ALPK2: variants seen among roughly 807,000 people sequenced by gnomAD.
The protein encoded by ALPK2 is alpha-protein kinase 2.
Under a neutral mutation model 163.1 loss-of-function variants are expected in ALPK2, and 127 were observed. That is an observed-to-expected ratio of 0.78 (90% CI 0.67 to 0.90). The LOEUF (loss-of-function observed/expected upper bound fraction) is 0.90. Ranked by LOEUF, ALPK2 falls within the 40% of genes least tolerant of loss-of-function variation. ALPK2 has a pLI of 0.00. For missense variants in ALPK2, 2,360 were observed against 2,589.6 expected (o/e 0.91, Z 1.92); for synonymous variants, 953 against 959.1 (o/e 0.99, Z 0.12).
intron 4 of ALPK2, among the ~76,000 whole-genome samples, chr18:58,557,668 ACG>A (rs1491123385): frequency 1.1e-4 from 4 of 37,186 alleles, no homozygotes; most frequent in East Asian, 1.0e-3. Context: ...ACATATATAT[ACG>A]TGTGTGTGTG....
chr18:58,536,531 A>G lies in ALPK2; in HGVS notation c.3656T>C (p.Leu1219Ser), dbSNP rs775904640. Residue 1219 changes from leucine (L) to serine (S), a missense_variant, in exon 5 of 13, where the codon TTG becomes TCG. Physicochemically the swap from Leu to Ser is moderately radical, Grantham distance 145. Coordinates refer to ENST00000361673, the MANE Select transcript of ALPK2 (RefSeq NM_052947.4). ...AGGTCTATATTCTTTAGACTCTTCC[A>G]AAAGGATATCAGAGAGAGATGGAAC... ...SNVPSLSDIL[L>S]EESKEYRPGN... 1.9e-6 allele frequency: 3 copies of G among 1,613,704 alleles called. No individual in the cohort carries two copies. The South Asian group carries it at 3.3e-5, about 18-fold the overall frequency.
chr18:58,560,647 C>T (rs549602077), intron 4 of ALPK2, among the ~76,000 whole-genome samples: 1 of 152,296 alleles, frequency 6.6e-6, no homozygotes, highest in East Asian at 1.9e-4. Context: ...TGCCATAATT[C>T]ACTTCAGTAA....
intron 6 of ALPK2, among the ~76,000 whole-genome samples, chr18:58,525,843 G>C (rs533277062): frequency 2.6e-4 from 39 of 151,796 alleles, no homozygotes; most frequent in Non-Finnish European, 4.7e-4. Flanking sequence ...TATTAGTGGG[G>C]AACAGTAGTA....
At chr18:58,600,801 G>A (rs993462409) in intron 3 of ALPK2, 7 of 152,210 alleles carry the variant, frequency 4.6e-5, no homozygotes, top group African/African-American at 1.2e-4. Flanking sequence ...TTCAATACCC[G>A]TTTCTGAAAT....
At chr18:58,574,167 G>A (rs2051906263) in intron 4 of ALPK2, among the ~76,000 whole-genome samples, 2 of 152,084 alleles carry the variant, frequency 1.3e-5, no homozygotes, top group South Asian at 4.1e-4. Context: ...GATGGTGCTG[G>A]TTGCGGCAGC....
chr18:58,507,268 A>G (rs747945563), intron 10 of ALPK2, among the ~76,000 whole-genome samples: 12 of 152,228 alleles, frequency 7.9e-5, no homozygotes, highest in Non-Finnish European at 1.5e-4. Flanking sequence ...GGGCAGCTAT[A>G]ACAGAGACCT....
At chr18:58,503,680 C>T (rs1363050111) in intron 11 of ALPK2, among the ~76,000 whole-genome samples, 1 of 152,132 alleles carries the variant, frequency 6.6e-6, no homozygotes, top group African/African-American at 2.4e-5. Flanking sequence ...GCCTGGGTGA[C>T]AGAGTGAGAC....
intron 4 of ALPK2, among the ~76,000 whole-genome samples, chr18:58,551,932 C>T (rs1388591583): frequency 1.3e-5 from 2 of 152,186 alleles, no homozygotes. Context: ...TATGAAGAGG[C>T]AGGGACTGAA....
rs1488866949 is a variant in ALPK2 at position 58,535,620 on chromosome 18, C to T, written c.4567G>A (p.Glu1523Lys). Residue 1523 changes from glutamate to lysine, a missense_variant, in exon 5 of 13, where the codon GAG becomes AAG. Glu to Lys is a moderately conservative substitution (Grantham distance 56). Transcript: ENST00000361673. ...IQESSDGSLG[E>K]AEQSKKDKAE... ...TTGTCCTTTTTGCTTTGCTCAGCCT[C>T]CCCTAAGCTCCCATCACTGCTTTCT... 2 of 1,614,216 alleles carry T rather than the reference C, an allele frequency of 1.2e-6. No homozygotes were observed. The highest frequency in any genetic ancestry group is 1.3e-5 in the African/African-American group (1 of 75,060).
chr18:58,513,000 G>A (rs971863833), intron 10 of ALPK2, among the ~76,000 whole-genome samples: 1 of 137,536 alleles, frequency 7.3e-6, no homozygotes. Context: ...GGTGTGTGTT[G>A]TGTGTTTATG....
chr18:58,625,601 A>G (rs1473505802), intron 1 of ALPK2, among the ~76,000 whole-genome samples: 1 of 152,236 alleles, frequency 6.6e-6, no homozygotes, highest in Non-Finnish European at 1.5e-5. Flanking sequence ...GTTGCACTTG[A>G]AAGTTTAAGA....
intron 3 of ALPK2, among the ~76,000 whole-genome samples, chr18:58,604,871 T>C (rs2052089862): frequency 6.6e-6 from 1 of 152,210 alleles, no homozygotes; most frequent in African/African-American, 2.4e-5. Flanking sequence ...CTGCTTTGTA[T>C]ACCTTCTGCT....
chr18:58,485,332 T>C (rs1273001958), intron 12 of ALPK2, among the ~76,000 whole-genome samples: 1 of 152,184 alleles, frequency 6.6e-6, no homozygotes, highest in African/African-American at 2.4e-5. Flanking sequence ...CTGGACTGAA[T>C]GGAGAGAGTT....
intron 4 of ALPK2, chr18:58,538,601 A>G (rs1243221727): frequency 1.6e-5 from 3 of 192,648 alleles, no homozygotes; most frequent in African/African-American, 4.7e-5. Context: ...TGAATCTCAC[A>G]TGATCATAAT....
chr18:58,518,796 C>A (rs147291960), intron 8 of ALPK2, among the ~76,000 whole-genome samples: 28 of 152,290 alleles, frequency 1.8e-4, no homozygotes, highest in Non-Finnish European at 1.5e-5. Flanking sequence ...AAGCTACTGC[C>A]CTTACCTACT....
chr18:58,511,389 C>A (rs2051489546), intron 10 of ALPK2, among the ~76,000 whole-genome samples: 1 of 151,958 alleles, frequency 6.6e-6, no homozygotes, highest in African/African-American at 2.4e-5. Context: ...TAAATCAGCT[C>A]TGTCTGTACA....
chr18:58,626,791 A>C (rs1362384681), intron 1 of ALPK2, among the ~76,000 whole-genome samples: 1 of 134,578 alleles, frequency 7.4e-6, no homozygotes, highest in Non-Finnish European at 1.7e-5. Context: ...CAAAGAATCT[A>C]ATTGTGTTAT....
chr18:58,532,765 C>A (rs2051622754), intron 5 of ALPK2, among the ~76,000 whole-genome samples: 1 of 152,128 alleles, frequency 6.6e-6, no homozygotes, highest in African/African-American at 2.4e-5. Context: ...CATTTTTATA[C>A]CTGAGAGGAG....
rs144733035 is a variant in ALPK2, at chr18:58,536,397, C to T, written c.3790G>A (p.Gly1264Ser). ...LTNSESKASD[G>S]GLIIPDKVWA... is the part of the protein sequence containing the mutation. ...ACCTTGTCAGGAATTATGAGACCAC[C>T]GTCTGATGCCTTGCTCTCAGAATTT... Residue 1264 changes from glycine (G) to serine (S), a missense_variant, in exon 5 of 13, where the codon GGT (glycine) becomes AGT (serine). Transcript: ENST00000361673. 1,691 of 1,614,172 alleles carry T rather than the reference C, an allele frequency of 1.0e-3. 3 individuals carry two copies. The highest frequency in any genetic ancestry group is 1.1e-3 in the Non-Finnish European group (1,334 of 1,180,018).
Sources: gnomAD v4.1 joint callset for allele counts (sites outside exome capture counted in the v4.1 genomes callset) on GRCh38, gnomAD v4.1.1 for gene constraint, MANE v1.5 for transcripts, NCBI Gene and HGNC (gene_info 2026-07-23, HGNC 2026-07-21) for gene names.